Variants in CYFIP1 observed in about 807,000 individuals in gnomAD.
CYFIP1 encodes the protein cytoplasmic FMR1 interacting protein 1, also known as cytoplasmic FMR1-interacting protein 1.
A neutral mutation model predicts 163.5 loss-of-function variants in CYFIP1; 58 were observed. That is an observed-to-expected ratio of 0.35 (90% CI 0.29 to 0.44). CYFIP1 has a LOEUF of 0.44. CYFIP1 is among the 20% of genes least tolerant of loss of function. CYFIP1 has a pLI of 1.00. For missense variants in CYFIP1, 1,338 were observed against 1,653.8 expected (o/e 0.81, Z 3.31); for synonymous variants, 663 against 660.7 (o/e 1.00, Z -0.05).
chr15:22,913,998 C>T (rs986575845), intron 17 of CYFIP1, among the ~76,000 whole-genome samples: 4 of 152,216 alleles, frequency 2.6e-5, no homozygotes, highest in East Asian at 3.8e-4. Flanking sequence ...GCTCCCCAGT[C>T]GCTCACCATG....
At chr15:22,969,796 A>G in intron 1 of CYFIP1, among the ~76,000 whole-genome samples, 1 of 152,208 alleles carries the variant, frequency 6.6e-6, no homozygotes, top group Non-Finnish European at 1.5e-5. Context: ...AGTACGGTGA[A>G]ACTAAAAGAA....
chr15:22,873,026 T>A, intron 29 of CYFIP1, 54 bp from the exon 30 acceptor site: 1 of 1,591,864 alleles, frequency 6.3e-7, no homozygotes, highest in South Asian at 1.1e-5. Context: ...TTATGAAGTC[T>A]TTTCTCAGTC....
Position 22,893,295 on chromosome 15 carries a change from G to T in CYFIP1, c.2589-318C>A, listed in dbSNP as rs576772525. Reference sequence around the variant, plus strand: ...CTGCGCTTCCAGACACGGCGAGGACGGTGGGGCAGCTGCCTGTGACGAGAA... The same window carrying T: ...CTGCGCTTCCAGACACGGCGAGGACTGTGGGGCAGCTGCCTGTGACGAGAA... On this transcript the variant is annotated intron_variant, in intron 22 of 30. Coordinates refer to ENST00000617928, the MANE Select transcript of CYFIP1 (RefSeq NM_014608.6). Among the ~76,000 whole-genome samples, 49 of 152,292 alleles carry T rather than the reference G, an allele frequency of 3.2e-4. 2 individuals are homozygous for T. The South Asian group carries it at 9.3e-3, about 29-fold the overall frequency.
At chr15:22,889,637 C>A (rs1037435732) in intron 23 of CYFIP1, among the ~76,000 whole-genome samples, 1 of 152,188 alleles carries the variant, frequency 6.6e-6, no homozygotes, top group Non-Finnish European at 1.5e-5. Flanking sequence ...GCCTACCCCC[C>A]GCCTGCCTCC....
chr15:22,940,443 A>T (rs1036300567), intron 6 of CYFIP1, among the ~76,000 whole-genome samples: 3 of 152,202 alleles, frequency 2.0e-5, no homozygotes, highest in African/African-American at 7.2e-5. Context: ...TTTACTCATG[A>T]GGAAGCATGG....
chr15:22,952,120 A>C (rs571186252), intron 1 of CYFIP1, among the ~76,000 whole-genome samples: 1 of 152,300 alleles, frequency 6.6e-6, no homozygotes, highest in East Asian at 1.9e-4. Flanking sequence ...GGCTAAGTGA[A>C]ATACGCCAGT....
intron 23 of CYFIP1, among the ~76,000 whole-genome samples, chr15:22,890,005 AAGTC>A (rs1173826113): frequency 6.6e-6 from 1 of 152,108 alleles, no homozygotes; most frequent in African/African-American, 2.4e-5. Flanking sequence ...TATTGCATAA[AAGTC>A]AGCTTCAACT....
chr15:22,889,437 G>A (rs935176867), intron 23 of CYFIP1, among the ~76,000 whole-genome samples: 3 of 152,178 alleles, frequency 2.0e-5, no homozygotes, highest in African/African-American at 7.2e-5. Flanking sequence ...GCACTCCTGG[G>A]AGAAAATCCT....
chr15:22,886,169 C>A (rs748425748), intron 23 of CYFIP1, among the ~76,000 whole-genome samples: 1 of 152,106 alleles, frequency 6.6e-6, no homozygotes, highest in Non-Finnish European at 1.5e-5. Flanking sequence ...ATGAGAACAT[C>A]GTCACCCCCA....
In CYFIP1 at chr15:22,892,902, C is replaced by T. The variant is rs762184515; in HGVS notation, c.2664G>A (p.Leu888=). 5 of 1,612,270 alleles carry T rather than the reference C, an allele frequency of 3.1e-6. No homozygotes were observed. The highest frequency in any genetic ancestry group is 4.2e-6 in the Non-Finnish European group (5 of 1,178,364). ...CATTGGAGCCTACCTTGGATCCATGCAGATACTGAGGCTGTGCATTAGGCT... is the reference window on the plus strand; with the variant it reads ...CATTGGAGCCTACCTTGGATCCATGTAGATACTGAGGCTGTGCATTAGGCT... The part of the protein sequence containing the change: ...DKQPNAQPQY[L]HGSKALNLAY... The change falls in exon 23 of 31, where the codon CTG becomes CTA. Residue 888 remains leucine, a synonymous_variant. Transcript: ENST00000617928.
chr15:22,928,583 G>A (rs758530712), intron 11 of CYFIP1, among the ~76,000 whole-genome samples: 7 of 152,254 alleles, frequency 4.6e-5, no homozygotes, highest in African/African-American at 7.2e-5. Flanking sequence ...TGTTACACGC[G>A]TGGGCTTGGC....
chr15:22,880,054 G>A lies in CYFIP1; in HGVS notation c.2912-11C>T, dbSNP rs577711652. The A allele has an allele frequency of 5.9e-5, 95 of 1,613,424 alleles. No homozygotes were observed. The Admixed American group carries it at 1.1e-3, about 19-fold the overall frequency. On this transcript the variant is annotated splice_polypyrimidine_tract_variant and intron_variant, in intron 25 of 30. Coordinates refer to ENST00000617928, the MANE Select transcript of CYFIP1 (RefSeq NM_014608.6). ...AGAACTCCAGGATACCTACGGTGGC[G>A]GGAGTGAGGTGGGGTTGGGGGACTG...
Position 22,939,265 on chromosome 15 carries a change from A to G in CYFIP1, c.722T>C (p.Ile241Thr), listed in dbSNP as rs924451115. 2.5e-6 allele frequency: 4 copies of G among 1,614,054 alleles called. No individual in the cohort carries two copies. The highest frequency in any genetic ancestry group is 3.3e-5 in the Admixed American group (2 of 60,006). The change falls in exon 8 of 31, where the codon ATT becomes ACT. Residue 241 changes from isoleucine to threonine, a missense_variant. Ile to Thr is a moderately conservative substitution (Grantham distance 89). Transcript: ENST00000617928. ...ISGYEELLAD[I>T]VNLCVDYYEN... ...GTAGTAATCCACACACAGATTCACA[A>G]TATCTGCCAGGAGCTCTTCGTAGCC...
intron 22 of CYFIP1, among the ~76,000 whole-genome samples, chr15:22,894,831 C>T (rs944991093): frequency 9.6e-5 from 14 of 145,086 alleles, no homozygotes; most frequent in Non-Finnish European, 2.0e-4. Flanking sequence ...TATATATATA[C>T]ATTTATAGTC....
At chr15:22,966,295 C>G (rs559971457) in intron 1 of CYFIP1, among the ~76,000 whole-genome samples, 1 of 151,736 alleles carries the variant, frequency 6.6e-6, no homozygotes, top group Non-Finnish European at 1.5e-5. Flanking sequence ...ATCGCTCGAA[C>G]CCGGGAGGCA....
At chr15:22,928,389 T>TAATAAATAAATA (rs200548603) in intron 11 of CYFIP1, among the ~76,000 whole-genome samples, 2 of 147,564 alleles carry the variant, frequency 1.4e-5, no homozygotes, top group Non-Finnish European at 3.0e-5. Flanking sequence ...TCTCAAAAAA[T>TAATAAATAAATA]AATAAATAAA....
intron 11 of CYFIP1, among the ~76,000 whole-genome samples, 198 bp from the exon 12 acceptor site, chr15:22,928,226 C>CA (rs1267694042): frequency 3.3e-5 from 5 of 151,900 alleles, no homozygotes; most frequent in East Asian, 1.9e-4. Flanking sequence ...CTGAAAAATA[C>CA]AAAAAAATTA....
chr15:22,912,852 T>C (rs2060831674), intron 17 of CYFIP1, among the ~76,000 whole-genome samples: 1 of 151,796 alleles, frequency 6.6e-6, no homozygotes, highest in Non-Finnish European at 1.5e-5. Flanking sequence ...GCCTGAGAGG[T>C]TGAGGCTGCA....
At chr15:22,914,636 C>T in intron 17 of CYFIP1, 90 bp downstream of exon 17, 1 of 1,358,752 alleles carries the variant, frequency 7.4e-7, no homozygotes, top group South Asian at 1.6e-5. Context: ...AAATACAATA[C>T]TAAAAACAGT....
Sources: allele counts gnomAD v4.1 joint callset (sites outside exome capture counted in the v4.1 genomes callset), GRCh38; gene constraint gnomAD v4.1.1; transcripts MANE v1.5; gene names NCBI Gene and HGNC (gene_info 2026-07-23, HGNC 2026-07-21).